Variants in SMOC1 observed in about 807,000 individuals in gnomAD.
SMOC1 encodes SPARC related modular calcium binding 1.
In SMOC1, 22 loss-of-function variants were observed where a neutral mutation model predicts 56.3. That is an observed-to-expected ratio of 0.39 (90% CI 0.28 to 0.56). The LOEUF (loss-of-function observed/expected upper bound fraction) is 0.56. SMOC1 is among the 20% of genes least tolerant of loss of function. SMOC1 has a pLI of 0.61. For missense variants in SMOC1, 509 were observed against 565.4 expected (o/e 0.90, Z 1.01); for synonymous variants, 193 against 215.0 (o/e 0.90, Z 0.89).
chr14:69,947,087 GCCTT>G (rs35916933), intron 1 of SMOC1, among the ~76,000 whole-genome samples: 14,767 of 143,388 alleles, frequency 0.1, 931 homozygotes, highest in African/African-American at 0.18. Flanking sequence ...TCTCAGGCCG[GCCTT>G]CCTTCCTTCC....
intron 1 of SMOC1, among the ~76,000 whole-genome samples, chr14:69,915,070 GT>G (rs2139354641): frequency 6.6e-6 from 1 of 152,110 alleles, no homozygotes; most frequent in South Asian, 2.1e-4. Context: ...GTTTCACCAT[GT>G]TGGCCAGGCT....
intron 1 of SMOC1, among the ~76,000 whole-genome samples, chr14:69,925,904 CAG>C (rs1343184567): frequency 1.1e-4 from 16 of 152,340 alleles, no homozygotes; most frequent in Admixed American, 2.6e-4. Flanking sequence ...CCACGAAAGA[CAG>C]ACACATCTGG....
chr14:69,963,428 C>A (rs547650623), intron 3 of SMOC1, among the ~76,000 whole-genome samples: 1 of 152,246 alleles, frequency 6.6e-6, no homozygotes, highest in South Asian at 2.1e-4. Flanking sequence ...TCTGACAGGC[C>A]AATACTTCTT....
intron 7 of SMOC1, among the ~76,000 whole-genome samples, chr14:69,996,460 C>G (rs1438633686): frequency 6.6e-6 from 1 of 152,198 alleles, no homozygotes; most frequent in Non-Finnish European, 1.5e-5. Context: ...GAATGCCTGT[C>G]TTCTTGGGCT....
intron 11 of SMOC1, among the ~76,000 whole-genome samples, chr14:70,024,736 G>A (rs7159934): frequency 0.14 from 21,819 of 152,180 alleles, 1,752 homozygotes; most frequent in Non-Finnish European, 0.18. Flanking sequence ...GTGACAAGAG[G>A]CAAGGTGAAG....
At chr14:69,912,826 G>T (rs949592750) in intron 1 of SMOC1, among the ~76,000 whole-genome samples, 5 of 152,198 alleles carry the variant, frequency 3.3e-5, no homozygotes, top group African/African-American at 1.2e-4. Flanking sequence ...CCCTCCTCGG[G>T]CTGCAGTTTG....
intron 1 of SMOC1, among the ~76,000 whole-genome samples, chr14:69,881,164 A>G (rs905955205): frequency 2.0e-5 from 3 of 152,176 alleles, no homozygotes; most frequent in African/African-American, 7.2e-5. Flanking sequence ...TCCAGGAGTG[A>G]CTTTTATGGA....
chr14:69,989,700 G>A (rs1884494687), intron 5 of SMOC1, among the ~76,000 whole-genome samples: 1 of 152,182 alleles, frequency 6.6e-6, no homozygotes, highest in African/African-American at 2.4e-5. Flanking sequence ...CCTTAAGACT[G>A]GGAGGCAGGA....
At chr14:69,893,045 C>G (rs1309434071) in intron 1 of SMOC1, among the ~76,000 whole-genome samples, 1 of 152,178 alleles carries the variant, frequency 6.6e-6, no homozygotes, top group Admixed American at 6.5e-5. Context: ...AACAGGTCTT[C>G]TGGAGTTTCC....
intron 1 of SMOC1, among the ~76,000 whole-genome samples, chr14:69,900,859 G>A (rs188788693): frequency 4.3e-4 from 66 of 152,314 alleles, no homozygotes; most frequent in Admixed American, 3.2e-3. Context: ...TGCCACAATG[G>A]CCTGGTCTAG....
chr14:69,992,435 C>T lies in SMOC1; in HGVS notation c.545C>T (p.Thr182Ile). The T allele has an allele frequency of 6.2e-7, 1 of 1,614,110 alleles. No homozygotes were observed. The highest frequency in any genetic ancestry group is 8.5e-7 in the Non-Finnish European group (1 of 1,179,982). Residue 182 changes from threonine (T) to isoleucine (I), a missense_variant, in exon 6 of 12, where the codon ACA (threonine) becomes ATA (isoleucine). Around this residue, in one of 3 missense-constraint regions of SMOC1, gnomAD observed 315 missense variants for 333.1 expected, o/e 0.95. Transcript: ENST00000361956. ...AATTCAGATGACGGGTCTAAGCCGA[C>T]ACCCACGATGGAGACCCAGCCGGTG... Reference protein sequence around the residue: ...SGRKDDGSKPTPTMETQPVFD... With the variant: ...SGRKDDGSKPIPTMETQPVFD...
intron 1 of SMOC1, among the ~76,000 whole-genome samples, chr14:69,912,027 AT>A (rs1473815008): frequency 6.6e-6 from 1 of 152,002 alleles, no homozygotes; most frequent in Non-Finnish European, 1.5e-5. Context: ...TATTGTTGAT[AT>A]TTTTTATGTA....
Position 70,004,226 on chromosome 14 carries a change from G to A in SMOC1, c.665-6528G>A, listed in dbSNP as rs75414283. On this transcript the variant is annotated intron_variant, in intron 7 of 11. Coordinates refer to ENST00000361956, the MANE Select transcript of SMOC1 (RefSeq NM_001034852.3). The stretch of plus-strand genomic sequence containing the variant: ...TGTGGCTCTTCTTCAGTTCTTCCGC[G>A]TATGGTTCTCTGTAAGATTAGCCTT... Among the ~76,000 whole-genome samples the A allele has an allele frequency of 8.8e-3, 1,336 of 152,222 alleles. 7 individuals carry two copies. Among genetic ancestry groups the A allele is most frequent in the Non-Finnish European group, 0.014 (977 of 68,008 alleles).
Position 70,023,547 on chromosome 14 carries a change from A to G in SMOC1, c.1291+100A>G, listed in dbSNP as rs2281663. The G allele has an allele frequency of 0.41, 614,604 of 1,514,972 alleles. 127,063 individuals are homozygous for G. Among genetic ancestry groups the G allele is most frequent in the Admixed American group, 0.46 (27,219 of 59,616 alleles). The allele number at this position is 1,514,972 out of a possible 1,614,324, so 93.8% of individuals were successfully genotyped here. ...TAAATGAGATTCCAGATACTCATCTATTCATCAATTATTTGCTGGAAGTGT... is the reference window on the plus strand; with the variant it reads ...TAAATGAGATTCCAGATACTCATCTGTTCATCAATTATTTGCTGGAAGTGT... On this transcript the variant is annotated intron_variant, in intron 11 of 11. Coordinates refer to ENST00000361956, the MANE Select transcript of SMOC1 (RefSeq NM_001034852.3).
intron 1 of SMOC1, among the ~76,000 whole-genome samples, chr14:69,921,400 C>T (rs531013047): frequency 1.5e-4 from 23 of 152,326 alleles, no homozygotes; most frequent in African/African-American, 5.3e-4. Flanking sequence ...GTTTTCATTT[C>T]CACTGACTCA....
At chr14:69,903,899 TTA>T (rs1491397575) in intron 1 of SMOC1, among the ~76,000 whole-genome samples, 1 of 63,634 alleles carries the variant, frequency 1.6e-5, no homozygotes, top group Admixed American at 2.0e-4. Context: ...GAATGATCAA[TTA>T]AAAAAAAAAA....
chr14:69,922,649 G>A (rs1253448168), intron 1 of SMOC1, among the ~76,000 whole-genome samples: 1 of 152,180 alleles, frequency 6.6e-6, no homozygotes, highest in Admixed American at 6.5e-5. Context: ...ATGATAACCT[G>A]TATGCTGCCA....
At chr14:69,925,660 G>A (rs1346455086) in intron 1 of SMOC1, among the ~76,000 whole-genome samples, 1 of 152,144 alleles carries the variant, frequency 6.6e-6, no homozygotes, top group Non-Finnish European at 1.5e-5. Flanking sequence ...ACAGTGCTGG[G>A]CACATAGTAG....
At chr14:70,018,283 T>C (rs962099712) in intron 10 of SMOC1, among the ~76,000 whole-genome samples, 4 of 152,066 alleles carry the variant, frequency 2.6e-5, no homozygotes, top group African/African-American at 7.2e-5. Flanking sequence ...AAAGGGATGA[T>C]TTGCTGAAGC....
Sources: gnomAD v4.1 joint callset for allele counts (sites outside exome capture counted in the v4.1 genomes callset) on GRCh38, gnomAD v4.1.1 for gene constraint, gnomAD v4.1.1 regional missense constraint, MANE v1.5 for transcripts, NCBI Gene and HGNC (gene_info 2026-07-23, HGNC 2026-07-21) for gene names.